The following CPEB3 variants were observed in gnomAD, a reference collection of about 807,000 sequenced individuals.
CPEB3 encodes the protein cytoplasmic polyadenylation element-binding protein 3.
Under a neutral mutation model 67.2 loss-of-function variants are expected in CPEB3, and 20 were observed. That is an observed-to-expected ratio of 0.30 (90% confidence interval 0.21 to 0.43). The LOEUF is 0.43. Among genes scored for constraint, CPEB3 ranks in the 20% least tolerant of loss-of-function variants. The pLI is 1.00. For synonymous variants in CPEB3, 376 were observed against 393.1 expected (o/e 0.96, Z 0.51); for missense variants, 746 against 968.6 (o/e 0.77, Z 3.05).
intron 1 of CPEB3, among the ~76,000 whole-genome samples, chr10:92,267,335 AG>A (rs1853105499): frequency 1.3e-5 from 2 of 152,348 alleles, no homozygotes; most frequent in South Asian, 4.1e-4. Flanking sequence ...GTATAAAAAC[AG>A]GTCTCCAGAA....
chr10:92,085,458 T>C (rs1358189983), intron 8 of CPEB3, among the ~76,000 whole-genome samples: 10 of 152,162 alleles, frequency 6.6e-5, no homozygotes. Context: ...AGCGTCACTG[T>C]GCCACAGACT....
intron 6 of CPEB3, among the ~76,000 whole-genome samples, chr10:92,117,278 T>TC (rs973096510): frequency 6.9e-5 from 10 of 143,990 alleles, no homozygotes; most frequent in African/African-American, 2.6e-4. Context: ...CACCTCAGCC[T>TC]CCCAAAGTGC....
chr10:92,275,850 T>C (rs575904082), intron 1 of CPEB3, among the ~76,000 whole-genome samples: 15 of 146,306 alleles, frequency 1.0e-4, no homozygotes, highest in Admixed American at 2.0e-4. Flanking sequence ...CTTTTCTTTT[T>C]TTTTTTTTTT....
chr10:92,080,017 G>A (rs1843078450), intron 9 of CPEB3, among the ~76,000 whole-genome samples: 1 of 151,586 alleles, frequency 6.6e-6, no homozygotes, highest in Non-Finnish European at 1.5e-5. Flanking sequence ...TGGCTAACAT[G>A]GTGAAACCCC....
rs1049937832 is a variant in CPEB3, at chr10:92,220,447, C to T, written c.1005+18899G>A. 2.0e-5 allele frequency among the ~76,000 whole-genome samples: 3 copies of T among 152,004 alleles called. No homozygotes were observed. The East Asian group carries it at 5.8e-4, about 29-fold the overall frequency. ...ACTAGATTCAACTATTTTGATAATGCCATTCCATAGATGGCATTAATAGTA... is the reference window on the plus strand; with the variant it reads ...ACTAGATTCAACTATTTTGATAATGTCATTCCATAGATGGCATTAATAGTA... On this transcript the variant is annotated intron_variant, in intron 2 of 9. Transcript: ENST00000265997.
At chr10:92,286,273 T>C (rs1194418024) in intron 1 of CPEB3, among the ~76,000 whole-genome samples, 2 of 152,074 alleles carry the variant, frequency 1.3e-5, no homozygotes, top group East Asian at 1.9e-4. Context: ...TTTAGGTATG[T>C]AGATTGTATG....
At chr10:92,208,081 G>A (rs751600481) in intron 2 of CPEB3, among the ~76,000 whole-genome samples, 1 of 152,172 alleles carries the variant, frequency 6.6e-6, no homozygotes, top group Non-Finnish European at 1.5e-5. Context: ...GTGAGGTTCT[G>A]ATGAGCAAAA....
Position 92,052,133 on chromosome 10 carries a change from C to T in CPEB3, c.*79G>A, listed in dbSNP as rs1050035642. On this transcript the variant is annotated 3_prime_UTR_variant, in exon 10 of 10. Coordinates refer to ENST00000265997, the MANE Select transcript of CPEB3 (RefSeq NM_014912.5). ...AACGAATGCACAGATTTCCAGAACA[C>T]TGTAAGCCCTGAGGCAGTGCCCTCT... 8 of 898,218 alleles carry T rather than the reference C, an allele frequency of 8.9e-6. No individual in the cohort carries two copies. Among genetic ancestry groups the T allele is most frequent in the East Asian group, 5.0e-5 (2 of 39,700 alleles). The allele number at this position is 898,218 out of a possible 1,614,324, so 55.6% of individuals were successfully genotyped here. A position where few individuals can be genotyped will look rare whatever the true frequency, so the allele number is the denominator to read the frequency against.
intron 1 of CPEB3, among the ~76,000 whole-genome samples, chr10:92,282,343 A>C (rs1032019638): frequency 6.6e-6 from 1 of 152,256 alleles, no homozygotes; most frequent in East Asian, 1.9e-4. Context: ...ACAGTCCTCT[A>C]TAAGTAGCAA....
chr10:92,163,185 A>T (rs573229963), intron 4 of CPEB3, among the ~76,000 whole-genome samples: 11 of 152,228 alleles, frequency 7.2e-5, no homozygotes, highest in Non-Finnish European at 1.5e-4. Context: ...CTGTAATCCC[A>T]GCACTCTGGG....
At chr10:92,114,518 T>C (rs1396317461) in intron 6 of CPEB3, among the ~76,000 whole-genome samples, 2 of 152,256 alleles carry the variant, frequency 1.3e-5, no homozygotes, top group African/African-American at 4.8e-5. Flanking sequence ...GTACAAGTCC[T>C]AACATTTAGT....
At chr10:92,099,184 G>A (rs1844048873) in intron 7 of CPEB3, among the ~76,000 whole-genome samples, 1 of 150,486 alleles carries the variant, frequency 6.6e-6, no homozygotes, top group Non-Finnish European at 1.5e-5. Context: ...TTAGGTCAAG[G>A]GCTAGGAAAA....
intron 3 of CPEB3, among the ~76,000 whole-genome samples, chr10:92,184,847 C>G (rs1156492347): frequency 6.6e-6 from 1 of 152,006 alleles, no homozygotes; most frequent in East Asian, 1.9e-4. Flanking sequence ...ACAAGCTCAC[C>G]AAGGATAAGC....
chr10:92,137,113 A>T, intron 6 of CPEB3: 1 of 300,616 alleles, frequency 3.3e-6, no homozygotes, highest in South Asian at 4.6e-5. Flanking sequence ...CACTTTTGCC[A>T]TATCAATTCT....
chr10:92,215,739 C>CTTTTTTTTTTT (rs373522649), intron 2 of CPEB3, among the ~76,000 whole-genome samples: 2 of 99,916 alleles, frequency 2.0e-5, no homozygotes, highest in South Asian at 3.6e-4. Flanking sequence ...TGGCGCCTGG[C>CTTTTTTTTTTT]TTTTTTTTTT....
chr10:92,145,889 C>A (rs1354595031), intron 4 of CPEB3, among the ~76,000 whole-genome samples: 1 of 152,104 alleles, frequency 6.6e-6, no homozygotes, highest in Non-Finnish European at 1.5e-5. Flanking sequence ...AAACTGGTGA[C>A]AGAGGCTGAT....
chr10:92,232,407 C>T (rs1030443838), intron 2 of CPEB3, among the ~76,000 whole-genome samples: 3 of 151,894 alleles, frequency 2.0e-5, no homozygotes, highest in Non-Finnish European at 1.5e-5. Context: ...AAAAAATCAA[C>T]TTAGCAATGA....
intron 7 of CPEB3, among the ~76,000 whole-genome samples, chr10:92,099,992 T>G (rs991693836): frequency 6.6e-6 from 1 of 152,124 alleles, no homozygotes; most frequent in Admixed American, 6.5e-5. Context: ...AGTGAGACCC[T>G]GTCTCTATGA....
At chr10:92,148,845 T>C (rs1846817990) in intron 4 of CPEB3, among the ~76,000 whole-genome samples, 1 of 152,100 alleles carries the variant, frequency 6.6e-6, no homozygotes, top group African/African-American at 2.4e-5. Context: ...TGTTCTATAT[T>C]ACAAAATGGA....
Sources: gnomAD v4.1 joint callset for allele counts (sites outside exome capture counted in the v4.1 genomes callset) on GRCh38, gnomAD v4.1.1 for gene constraint, MANE v1.5 for transcripts, NCBI Gene and HGNC (gene_info 2026-07-23, HGNC 2026-07-21) for gene names.